Variants in FGD4 observed in about 807,000 individuals in gnomAD.
FGD4 encodes the protein FYVE, RhoGEF and PH domain containing 4, also known as FYVE, RhoGEF and PH domain-containing protein 4.
In FGD4, 42 loss-of-function variants were observed where a neutral mutation model predicts 102.0. The ratio of observed to expected loss-of-function variants is 0.41; its 90% confidence interval spans 0.32 to 0.53. FGD4 has a LOEUF of 0.53. Ranked by LOEUF, FGD4 falls within the 20% of genes least tolerant of loss-of-function variation. The pLI is 0.21. For synonymous variants in FGD4, 380 were observed against 375.7 expected (o/e 1.01, Z -0.13); for missense variants, 902 against 1,078.2 (o/e 0.84, Z 2.29).
intron 1 of FGD4, among the ~76,000 whole-genome samples, chr12:32,462,409 C>T (rs1003465522): frequency 6.6e-6 from 1 of 152,194 alleles, no homozygotes; most frequent in African/African-American, 2.4e-5. Flanking sequence ...AATCTGCCCA[C>T]CTCAGCCTCC....
chr12:32,429,984 C>T (rs1163825789), intron 1 of FGD4, among the ~76,000 whole-genome samples: 1 of 151,248 alleles, frequency 6.6e-6, no homozygotes, highest in East Asian at 1.9e-4. Context: ...AAAAAAAGGA[C>T]ATTTTCAAGG....
At chr12:32,470,738 G>A (rs762158040) in intron 1 of FGD4, among the ~76,000 whole-genome samples, 48 of 152,156 alleles carry the variant, frequency 3.2e-4, no homozygotes, top group African/African-American at 2.4e-5. Flanking sequence ...ACAGGCGTGA[G>A]CCGCTGCGCC....
intron 1 of FGD4, among the ~76,000 whole-genome samples, chr12:32,453,209 T>TATATATATATATATATA (rs1565748959): frequency 2.0e-5 from 1 of 48,842 alleles, no homozygotes; most frequent in African/African-American, 4.5e-5. Flanking sequence ...ATTATATATA[T>TATATATATATATATATA]ATATATATAT....
At chr12:32,490,999 A>G (rs1265231822) in intron 1 of FGD4, among the ~76,000 whole-genome samples, 1 of 152,170 alleles carries the variant, frequency 6.6e-6, no homozygotes, top group African/African-American at 2.4e-5. Context: ...CATTCAGTCT[A>G]CAATACAGTT....
chr12:32,498,732 T>C (rs1453942974), intron 1 of FGD4, among the ~76,000 whole-genome samples: 1 of 152,130 alleles, frequency 6.6e-6, no homozygotes, highest in Non-Finnish European at 1.5e-5. Context: ...GCCTCCCAAA[T>C]ACTTGGACCA....
intron 1 of FGD4, among the ~76,000 whole-genome samples, chr12:32,507,669 G>C (rs1324375542): frequency 6.6e-6 from 1 of 152,218 alleles, no homozygotes; most frequent in Non-Finnish European, 1.5e-5. Context: ...AAGAGCAGCA[G>C]TTTTAAAGTT....
At chr12:32,625,909 T>A in intron 14 of FGD4, 130 bp downstream of exon 14, 1 of 1,226,958 alleles carries the variant, frequency 8.2e-7, no homozygotes, top group Non-Finnish European at 1.2e-6. Flanking sequence ...GCCAATTACG[T>A]GCAGAGGACT....
chr12:32,425,907 T>C (rs1339990877), intron 1 of FGD4, among the ~76,000 whole-genome samples: 1 of 152,254 alleles, frequency 6.6e-6, no homozygotes, highest in Non-Finnish European at 1.5e-5. Flanking sequence ...TTTTTGCACA[T>C]TGATTTTGTA....
At chr12:32,604,979 C>T (rs565390465) in intron 7 of FGD4, among the ~76,000 whole-genome samples, 13 of 124,354 alleles carry the variant, frequency 1.0e-4, no homozygotes, top group Non-Finnish European at 1.4e-4. Context: ...TGCTCTGTCA[C>T]CCAGGCTGGA....
rs554139548 is a variant in FGD4, at chr12:32,634,603, G to C, written c.2313+914G>C. 4.6e-5 allele frequency among the ~76,000 whole-genome samples: 7 copies of C among 152,308 alleles called. 1 individual carries two copies. The South Asian group carries it at 1.4e-3, about 32-fold the overall frequency. On this transcript the variant is annotated intron_variant, in intron 15 of 16. Transcript: ENST00000534526. ...GTTATATAATAAGGCCTTTGTGGCA[G>C]TAGGTTCAAGGTAGCCTGGAAAGTC...
chr12:32,418,894 G>A (rs151167686), intron 1 of FGD4, among the ~76,000 whole-genome samples: 1 of 152,322 alleles, frequency 6.6e-6, no homozygotes, highest in African/African-American at 2.4e-5. Flanking sequence ...CTGGTGTTTT[G>A]TTCTACTGTG....
rs570788860 is a variant in FGD4, at chr12:32,631,568, G to C, written c.2173-1981G>C. On this transcript the variant is annotated intron_variant, in intron 14 of 16. Coordinates refer to ENST00000534526, the MANE Select transcript of FGD4 (RefSeq NM_001370298.3). ...CACCCGGGCTGGAGTGCACTGGCGC[G>C]ATCTTGGCTCACTGCAACCTCCACC... Among the ~76,000 whole-genome samples the C allele has an allele frequency of 2.0e-3, 293 of 148,120 alleles. 3 individuals are homozygous for C. Among genetic ancestry groups the C allele is most frequent in the African/African-American group, 7.2e-3 (287 of 39,964 alleles).
At chr12:32,619,051 A>C (rs1190612917) in intron 10 of FGD4, among the ~76,000 whole-genome samples, 2 of 152,232 alleles carry the variant, frequency 1.3e-5, no homozygotes, top group African/African-American at 4.8e-5. Context: ...AAGAACTTAC[A>C]AAGTTAAGAA....
rs549761053 is a variant in FGD4, at chr12:32,572,537, G to A, written c.320-3729G>A. Among the ~76,000 whole-genome samples, 5 of 152,230 alleles carry A rather than the reference G, an allele frequency of 3.3e-5. No individual in the cohort carries two copies. The South Asian group carries it at 1.0e-3, about 32-fold the overall frequency. On this transcript the variant is annotated intron_variant, in intron 2 of 16. Transcript: ENST00000534526. ...TGAAATACCAAGAAGAGGAGGAATC[G>A]GAACTTTAGGGTTTTCCATTCTCAT... is the stretch of plus-strand genomic sequence containing the variant.
chr12:32,435,028 CT>C (rs1942179126), intron 1 of FGD4, among the ~76,000 whole-genome samples: 1 of 152,012 alleles, frequency 6.6e-6, no homozygotes, highest in Admixed American at 6.6e-5. Flanking sequence ...ACCGCTACCT[CT>C]GCCTCCCGGG....
intron 1 of FGD4, among the ~76,000 whole-genome samples, chr12:32,524,484 T>C (rs1940919803): frequency 6.7e-6 from 1 of 149,448 alleles, no homozygotes; most frequent in African/African-American, 2.5e-5. Flanking sequence ...GGAGAAAATA[T>C]TTGTGATATG....
Position 32,571,219 on chromosome 12 carries a change from C to T in FGD4, c.320-5047C>T, listed in dbSNP as rs139906740. On this transcript the variant is annotated intron_variant, in intron 2 of 16. Coordinates refer to ENST00000534526, the MANE Select transcript of FGD4 (RefSeq NM_001370298.3). Reference sequence around the variant, plus strand: ...CCTGTAATCCTTGCACTTTGGGAGGCTGAGGCAGGCGGATCACCTGAGGTC... The same window carrying T: ...CCTGTAATCCTTGCACTTTGGGAGGTTGAGGCAGGCGGATCACCTGAGGTC... Among the ~76,000 whole-genome samples the T allele has an allele frequency of 3.7e-4, 56 of 152,254 alleles. No individual in the cohort carries two copies. The East Asian group carries it at 0.011, about 29-fold the overall frequency.
rs935604387 is a variant in FGD4, at chr12:32,427,028, A to AT, written c.166+27079dup. On this transcript the variant is annotated intron_variant, in intron 1 of 16. Transcript: ENST00000534526. ...AAAAAACCAGCTCCTGGATTTATTGATTTTTTTTTTCATGGTTTTTTGTTT... is the reference window on the plus strand; with the variant it reads ...AAAAAACCAGCTCCTGGATTTATTGATTTTTTTTTTTCATGGTTTTTTGTTT... Among the ~76,000 whole-genome samples the AT allele has an allele frequency of 4.6e-3, 650 of 141,394 alleles. 1 individual carries two copies. Among genetic ancestry groups the AT allele is most frequent in the African/African-American group, 0.013 (494 of 38,280 alleles). The allele number at this position is 141,394 out of a possible 152,430, so 92.8% of individuals were successfully genotyped here. A position where few individuals can be genotyped will look rare whatever the true frequency, so the allele number is the denominator to read the frequency against.
chr12:32,427,855 G>A lies in FGD4; in HGVS notation c.166+27896G>A, dbSNP rs145898780. 4.6e-3 allele frequency among the ~76,000 whole-genome samples: 705 copies of A among 152,198 alleles called. 11 individuals are homozygous for A. The highest frequency in any genetic ancestry group is 0.016 in the African/African-American group (660 of 41,530). The stretch of plus-strand genomic sequence containing the variant: ...CTCTCTTGATCTTTGTTGGTTTAAA[G>A]TCTGTTTTATCAGAGACTAGGATTG... On this transcript the variant is annotated intron_variant, in intron 1 of 16. Coordinates refer to ENST00000534526, the MANE Select transcript of FGD4 (RefSeq NM_001370298.3).
Sources: allele counts gnomAD v4.1 joint callset (sites outside exome capture counted in the v4.1 genomes callset), GRCh38; gene constraint gnomAD v4.1.1; transcripts MANE v1.5; gene names NCBI Gene and HGNC (gene_info 2026-07-23, HGNC 2026-07-21).